IL5RA: variants seen among roughly 807,000 people sequenced by gnomAD.
The protein encoded by IL5RA is interleukin-5 receptor subunit alpha.
A neutral mutation model predicts 50.0 loss-of-function variants in IL5RA; 49 were observed. The observed-to-expected ratio is 0.98, with a 90% CI of 0.78 to 1.24. The LOEUF is 1.24. IL5RA is among the 50% of genes most tolerant of loss of function. The pLI, the probability that IL5RA is intolerant of heterozygous loss-of-function variation, is 0.00. For synonymous variants in IL5RA, 202 were observed against 174.0 expected (o/e 1.16, Z -1.26); for missense variants, 600 against 500.4 (o/e 1.20, Z -1.90).
At position 3,104,935 on chromosome 3, in the gene IL5RA, A is replaced by G. The variant is rs773106945; in HGVS notation, c.50T>C (p.Ile17Thr). 3.5e-5 allele frequency: 56 copies of G among 1,613,094 alleles called. No individual in the cohort carries two copies. Among genetic ancestry groups the G allele is most frequent in the Non-Finnish European group, 4.6e-5 (54 of 1,179,108 alleles). Residue 17 changes from isoleucine to threonine, a missense_variant, in exon 3 of 12, where the codon ATA (isoleucine) becomes ACA (threonine). Transcript: ENST00000446632. The part of the protein sequence containing the change: ...VLLILLGATE[I>T]LQADLLPDEK... ...ATCAGGAAGTAAGTCAGCTTGCAGT[A>G]TCTCAGTGGCCCCCAAAAGGATGAG...
Position 3,083,672 on chromosome 3 carries a change from A to G in IL5RA, c.995-7045T>C, listed in dbSNP as rs370807770. On this transcript the variant is annotated intron_variant, in intron 9 of 11. Coordinates refer to ENST00000446632, the MANE Select transcript of IL5RA (RefSeq NM_175726.4). ...TTCCCTATAAGGGGTTGCTGGGCCT[A>G]TTTTATCAACCTGCTAAAGCAGATG... Among the ~76,000 whole-genome samples the G allele has an allele frequency of 2.4e-4, 37 of 152,326 alleles. 2 individuals carry two copies. The highest frequency in any genetic ancestry group is 2.3e-3 in the South Asian group (11 of 4,830).
chr3:3,082,831 T>A (rs1702715076), intron 9 of IL5RA, among the ~76,000 whole-genome samples: 1 of 152,220 alleles, frequency 6.6e-6, no homozygotes, highest in African/African-American at 2.4e-5. Flanking sequence ...TCTTAGGAGA[T>A]GAATTTGATT....
chr3:3,082,027 T>C (rs1702683067), intron 9 of IL5RA, among the ~76,000 whole-genome samples: 1 of 152,194 alleles, frequency 6.6e-6, no homozygotes, highest in Non-Finnish European at 1.5e-5. Flanking sequence ...TATTGCGAAG[T>C]AGACATTACT....
At chr3:3,088,094 A>G (rs1702943577) in intron 9 of IL5RA, among the ~76,000 whole-genome samples, 1 of 152,196 alleles carries the variant, frequency 6.6e-6, no homozygotes, top group African/African-American at 2.4e-5. Context: ...GAAAACTATA[A>G]TGAGCCCAGA....
intron 4 of IL5RA, among the ~76,000 whole-genome samples, 155 bp from the exon 5 acceptor site, chr3:3,101,985 A>G (rs1388355540): frequency 1.3e-5 from 2 of 152,260 alleles, no homozygotes; most frequent in Non-Finnish European, 2.9e-5. Flanking sequence ...AAACCATTGT[A>G]ATAACAACAT....
chr3:3,097,338 G>C (rs758788848), intron 7 of IL5RA, among the ~76,000 whole-genome samples: 2 of 152,180 alleles, frequency 1.3e-5, no homozygotes, highest in African/African-American at 2.4e-5. Context: ...GATGGGAAAC[G>C]TGCTGCCTGT....
intron 7 of IL5RA, 29 bp from the exon 8 acceptor site, chr3:3,095,473 T>TA: frequency 6.3e-7 from 1 of 1,588,248 alleles, no homozygotes; most frequent in Non-Finnish European, 8.6e-7. Flanking sequence ...GATCAGTGAT[T>TA]TTTTTTTTAG....
intron 9 of IL5RA, among the ~76,000 whole-genome samples, chr3:3,081,933 G>A (rs1011184875): frequency 9.2e-5 from 14 of 152,130 alleles, no homozygotes; most frequent in African/African-American, 2.4e-5. Context: ...ACTAACCCCT[G>A]AAAACACAAC....
chr3:3,082,085 C>T (rs1375250097), intron 9 of IL5RA, among the ~76,000 whole-genome samples: 3 of 152,016 alleles, frequency 2.0e-5, no homozygotes, highest in Non-Finnish European at 4.4e-5. Context: ...AAAAAAATGC[C>T]AGTACATTAG....
chr3:3,074,548 C>T (rs767140138), intron 11 of IL5RA, among the ~76,000 whole-genome samples: 50 of 152,136 alleles, frequency 3.3e-4, no homozygotes, highest in Non-Finnish European at 5.6e-4. Context: ...GTGGGAGGAT[C>T]GCTTAGACCC....
Position 3,092,345 on chromosome 3 carries a change from G to A in IL5RA, c.873C>T (p.Thr291=). ...CATCAATTATTGAGATGAATGCATT[G>A]GTCATCAATTTTTCTATCTAAGTGG... ...NGYLQIEKLM[T]NAFISIIDDL... is the part of the protein sequence containing the mutation. Residue 291 remains threonine, a synonymous_variant, in exon 9 of 12, where the codon ACC becomes ACT. Transcript: ENST00000446632. This position sits in a 1 kb window ranked among gnomAD's most constrained non-coding sequence, Gnocchi z 4.2. The A allele has an allele frequency of 6.2e-7, 1 of 1,613,210 alleles. No homozygotes were observed. Among genetic ancestry groups the A allele is most frequent in the East Asian group, 2.2e-5 (1 of 44,876 alleles).
intron 9 of IL5RA, chr3:3,090,225 A>T: frequency 3.1e-6 from 5 of 1,610,176 alleles, no homozygotes; most frequent in Non-Finnish European, 4.2e-6. Flanking sequence ...GGGGCAGGAA[A>T]GCTGGATGTT....
chr3:3,066,468 C>A lies in IL5RA; in HGVS notation c.*3757G>T, dbSNP rs1056047894. The A allele has an allele frequency of 1.3e-5, 2 of 152,158 alleles. No homozygotes were observed. The highest frequency in any genetic ancestry group is 2.4e-5 in the African/African-American group (1 of 41,438). The allele number at this position is 152,158 out of a possible 1,614,324, so 9.4% of individuals were successfully genotyped here. On this transcript the variant is annotated 3_prime_UTR_variant, in exon 12 of 12. Coordinates refer to ENST00000446632, the MANE Select transcript of IL5RA (RefSeq NM_175726.4). ...AGGAATGGTTTTGAAAAAATTTGCA[C>A]CCTGGTACTCAATTTGAAGGATGTA...
At position 3,089,237 on chromosome 3, in the gene IL5RA, C is replaced by G. The variant is rs1040756653; in HGVS notation, c.994+2987G>C. Among the ~76,000 whole-genome samples the G allele has an allele frequency of 2.0e-5, 3 of 152,204 alleles. No individual in the cohort carries two copies. The East Asian group carries it at 5.8e-4, about 29-fold the overall frequency. On this transcript the variant is annotated intron_variant, in intron 9 of 11. Coordinates refer to ENST00000446632, the MANE Select transcript of IL5RA (RefSeq NM_175726.4). ...TAAGTCTCTCTGAGTGATGTGAGGG[C>G]TACCCCTGTAAGGCTGAGCTGGTTG...
rs549027595 is a variant in IL5RA at position 3,101,590 on chromosome 3, G to A, written c.367+102C>T. On this transcript the variant is annotated intron_variant, in intron 5 of 11. Transcript: ENST00000446632. ...ATATGGGAGAGTACTTGAGAAGAAC[G>A]GGTGACTGACTAAAGAAAAGTGGGT... is the stretch of plus-strand genomic sequence containing the variant. The A allele has an allele frequency of 6.0e-6, 7 of 1,161,148 alleles. No individual in the cohort carries two copies. In the Admixed American group the frequency reaches 6.6e-5, roughly 11 times the overall value. The allele number at this position is 1,161,148 out of a possible 1,614,324, so 71.9% of individuals were successfully genotyped here.
intron 9 of IL5RA, among the ~76,000 whole-genome samples, chr3:3,081,129 T>A (rs191715784): frequency 4.9e-4 from 75 of 152,358 alleles, no homozygotes; most frequent in African/African-American, 1.8e-3. Flanking sequence ...TTTGTCTTCC[T>A]AAATCCTACA....
intron 5 of IL5RA, among the ~76,000 whole-genome samples, chr3:3,101,301 C>G (rs1473761932): frequency 6.6e-6 from 1 of 152,150 alleles, no homozygotes; most frequent in Non-Finnish European, 1.5e-5. Context: ...GAAAATTACC[C>G]GTGAGCTCAA....
chr3:3,100,213 G>A (rs1026765316), intron 5 of IL5RA, among the ~76,000 whole-genome samples: 6 of 152,268 alleles, frequency 3.9e-5, no homozygotes, highest in African/African-American at 1.2e-4. Flanking sequence ...TCTTTTGATC[G>A]TAGCTTAAGT....
intron 7 of IL5RA, among the ~76,000 whole-genome samples, chr3:3,096,889 G>C (rs1346284196): frequency 6.6e-6 from 1 of 152,174 alleles, no homozygotes; most frequent in Non-Finnish European, 1.5e-5. Context: ...TGTTCTAAGT[G>C]CTTTATCATT....
Sources: allele counts gnomAD v4.1 joint callset (sites outside exome capture counted in the v4.1 genomes callset), GRCh38; gene constraint gnomAD v4.1.1; non-coding constraint Gnocchi (gnomAD v3.1); transcripts MANE v1.5; gene names NCBI Gene and HGNC (gene_info 2026-07-23, HGNC 2026-07-21).